PPP2R3B: variants seen among roughly 807,000 people sequenced by gnomAD.
PPP2R3B encodes serine/threonine-protein phosphatase 2A regulatory subunit B'' subunit beta.
A neutral mutation model predicts 72.9 loss-of-function variants in PPP2R3B; 68 were observed. The ratio of observed to expected loss-of-function variants is 0.93; its 90% CI spans 0.77 to 1.14. The LOEUF (loss-of-function observed/expected upper bound fraction) is 1.14. Among genes scored for constraint, PPP2R3B ranks in the 50% most tolerant of loss-of-function variants. The pLI is 0.00. For synonymous variants in PPP2R3B, 466 were observed against 375.8 expected, an observed-to-expected ratio of 1.24 and a Z score of -2.78; for missense variants, 1,018 against 842.0, an observed-to-expected ratio of 1.21 and a Z score of -2.59.
intron 1 of PPP2R3B, among the ~76,000 whole-genome samples, chrX:377,543 C>G (rs1411501223): frequency 1.1e-5 from 1 of 91,170 alleles, no homozygotes; most frequent in African/African-American, 4.4e-5. Flanking sequence ...CAGGGACGGG[C>G]CGTCCACACC....
chrX:346,504 G>A (rs1374410165), intron 5 of PPP2R3B, 197 bp downstream of exon 5: 2 of 636,954 alleles, frequency 3.1e-6, no homozygotes, highest in African/African-American at 1.9e-5. Flanking sequence ...AAGGGGGTGC[G>A]GCCACCCCGG....
rs60085686 is a variant in PPP2R3B, at chrX:361,257, G to A, written c.510+148C>T. On this transcript the variant is annotated intron_variant, in intron 2 of 12. Coordinates refer to ENST00000390665, the MANE Select transcript of PPP2R3B (RefSeq NM_013239.5). The stretch of plus-strand genomic sequence containing the variant: ...TATAACCTCAGAGAAAACCTGGGCC[G>A]CTCCCGCACACGTGTGAAACGCACC... The A allele has an allele frequency of 6.5e-3, 5,428 of 831,168 alleles. 215 individuals carry two copies. In the African/African-American group the frequency reaches 0.082, roughly 13 times the overall value. 51.5% of individuals were successfully genotyped at this position (831,168 alleles called of 1,614,324 possible).
chrX:362,750 C>G (rs1168628625), intron 1 of PPP2R3B, among the ~76,000 whole-genome samples: 1 of 152,122 alleles, frequency 6.6e-6, no homozygotes, highest in Non-Finnish European at 1.5e-5. Context: ...AGGACTGGGT[C>G]CAAGCTCCAG....
In PPP2R3B at chrX:340,852, G is replaced by C. The variant is rs762666589; in HGVS notation, c.1264C>G (p.Arg422Gly). 1.2e-6 allele frequency: 2 copies of C among 1,612,062 alleles called. No individual in the cohort carries two copies. The highest frequency in any genetic ancestry group is 1.7e-6 in the Non-Finnish European group (2 of 1,179,694). The change falls in exon 10 of 13, where the codon CGA becomes GGA. Residue 422 changes from arginine (R) to glycine (G), a missense_variant. Transcript: ENST00000390665. ...ELEYFYEEQC[R>G]RLDSMAIEAL... Reference sequence around the variant, plus strand: ...TCGATGGCCATGCTGTCCAGCCTTCGGCACTGCTCCTCGTAGAAGTACTCG... The same window carrying C: ...TCGATGGCCATGCTGTCCAGCCTTCCGCACTGCTCCTCGTAGAAGTACTCG...
Position 338,813 on chromosome X carries a change from C to T in PPP2R3B, c.1435G>A (p.Asp479Asn), listed in dbSNP as rs781020915. 31 of 1,612,316 alleles carry T rather than the reference C, an allele frequency of 1.9e-5. No individual in the cohort carries two copies. Among genetic ancestry groups the T allele is most frequent in the East Asian group, 4.5e-5 (2 of 44,888 alleles). ...GAGATCTGCTCTTTCTGCTCGTGGT[C>T]GAGGTACTTCTCGATGTTGAAGAAG... is the stretch of plus-strand genomic sequence containing the variant. Reference protein sequence around the residue: ...DTFFNIEKYLDHEQKEQISLL... With the variant: ...DTFFNIEKYLNHEQKEQISLL... The change falls in exon 11 of 13, where the codon GAC becomes AAC. Residue 479 changes from aspartate to asparagine, a missense_variant. Asp to Asn is a conservative substitution (Grantham distance 23, BLOSUM62 1). Coordinates refer to ENST00000390665, the MANE Select transcript of PPP2R3B (RefSeq NM_013239.5).
At chrX:359,868 G>T (rs753783581) in intron 2 of PPP2R3B, 3 of 514,170 alleles carry the variant, frequency 5.8e-6, no homozygotes, top group Middle Eastern at 6.3e-4. Context: ...GCACAGACAG[G>T]GACAGAACCT....
chrX:341,492 C>A (rs1273615092), intron 8 of PPP2R3B, 96 bp from the exon 9 acceptor site: 2 of 1,308,118 alleles, frequency 1.5e-6, no homozygotes, highest in South Asian at 2.4e-5. Flanking sequence ...GAGGGGAGCC[C>A]CCCGGGCCCG....
In PPP2R3B at chrX:386,679, T is replaced by C. The variant is rs1474632840; in HGVS notation, c.13A>G (p.Lys5Glu). The C allele has an allele frequency of 3.8e-6, 5 of 1,314,538 alleles. No homozygotes were observed. Among genetic ancestry groups the C allele is most frequent in the East Asian group, 3.2e-5 (1 of 31,376 alleles). The allele number at this position is 1,314,538 out of a possible 1,614,324, so 81.4% of individuals were successfully genotyped here. The change falls in exon 1 of 13, where the codon AAA (lysine) becomes GAA (glutamate). Residue 5 changes from lysine (K) to glutamate (E), a missense_variant. Lys to Glu is a moderately conservative substitution (Grantham distance 56). Transcript: ENST00000390665. ...ATCTTCAGGACCGGCTGCAGCACTTTGCCGGGCGGCATGGCGGGGGCTGGG... is the reference window on the plus strand; with the variant it reads ...ATCTTCAGGACCGGCTGCAGCACTTCGCCGGGCGGCATGGCGGGGGCTGGG... MPPGKVLQPVLKMKV... is the reference protein window; with the variant it reads MPPGEVLQPVLKMKV...
intron 1 of PPP2R3B, 42 bp downstream of exon 1, chrX:386,326 G>A (rs753398854): frequency 3.0e-5 from 39 of 1,294,058 alleles, no homozygotes; most frequent in Non-Finnish European, 3.9e-5. Flanking sequence ...TATGCGACCA[G>A]AGCCACCTGC....
Position 341,713 on chromosome X carries a change from C to A in PPP2R3B, c.1085+170G>T, listed in dbSNP as rs1401805315. ...TTCGCGTGACAGTCTTGTGCCACCCCCCCCCACTAGGGATTCACGTGACAG... is the reference window on the plus strand; with the variant it reads ...TTCGCGTGACAGTCTTGTGCCACCCACCCCCACTAGGGATTCACGTGACAG... On this transcript the variant is annotated intron_variant, in intron 8 of 12. Transcript: ENST00000390665. 4 of 785,240 alleles carry A rather than the reference C, an allele frequency of 5.1e-6. No homozygotes were observed. The Admixed American group carries it at 6.3e-5, about 12-fold the overall frequency. 48.6% of individuals were successfully genotyped at this position (785,240 alleles called of 1,614,324 possible). A position where few individuals can be genotyped will look rare whatever the true frequency, so the allele number is the denominator to read the frequency against.
chrX:364,510 A>C (rs2071645310), intron 1 of PPP2R3B, among the ~76,000 whole-genome samples: 1 of 115,110 alleles, frequency 8.7e-6, no homozygotes, highest in African/African-American at 3.9e-5. Flanking sequence ...CTCTACTAAA[A>C]AAAAAAAAAA....
intron 12 of PPP2R3B, 126 bp downstream of exon 12, chrX:338,478 G>A (rs1019169938): frequency 4.7e-5 from 45 of 951,504 alleles, no homozygotes; most frequent in African/African-American, 4.3e-4. Context: ...CTGTGTCCGC[G>A]CACCCCACCT....
intron 1 of PPP2R3B, among the ~76,000 whole-genome samples, chrX:376,089 G>C (rs922433662): frequency 1.3e-5 from 2 of 152,166 alleles, no homozygotes; most frequent in African/African-American, 4.8e-5. Context: ...TACTTGGGAG[G>C]CTGAGGGAGA....
chrX:381,479 C>A (rs908873937), intron 1 of PPP2R3B, among the ~76,000 whole-genome samples: 1 of 152,066 alleles, frequency 6.6e-6, no homozygotes, highest in Admixed American at 6.6e-5. Flanking sequence ...AAATCTCTTC[C>A]TCTGACCCCA....
At chrX:360,903 C>T (rs1194203735) in intron 2 of PPP2R3B, among the ~76,000 whole-genome samples, 2 of 152,212 alleles carry the variant, frequency 1.3e-5, no homozygotes, top group Non-Finnish European at 2.9e-5. Flanking sequence ...AAGCAGGCGG[C>T]GAATGATGCA....
At position 334,253 on chromosome X, in the gene PPP2R3B, G is replaced by A; in HGVS notation, c.*114C>T. The A allele has an allele frequency of 2.5e-6, 3 of 1,219,220 alleles. No individual in the cohort carries two copies. The highest frequency in any genetic ancestry group is 3.2e-6 in the Non-Finnish European group (3 of 932,000). The allele number at this position is 1,219,220 out of a possible 1,614,324, so 75.5% of individuals were successfully genotyped here. On this transcript the variant is annotated 3_prime_UTR_variant, in exon 13 of 13. Transcript: ENST00000390665. ...AACACGCTTCTGTGAATAAATAAAA[G>A]TTTATCATTCCGTACAAACGCACTC...
At chrX:346,097 A>AGGGG in intron 6 of PPP2R3B, 77 bp downstream of exon 6, 1 of 591,166 alleles carries the variant, frequency 1.7e-6, no homozygotes, top group Non-Finnish European at 2.6e-6. Flanking sequence ...GGGAGGGGGG[A>AGGGG]GGAGGGAAGG....
intron 7 of PPP2R3B, chrX:344,828 G>C (rs1259690956): frequency 3.3e-6 from 1 of 301,710 alleles, no homozygotes; most frequent in Non-Finnish European, 6.5e-6. Flanking sequence ...ACGCAGACGG[G>C]TGCAGCTCAC....
At chrX:346,320 C>T (rs764583793) in intron 5 of PPP2R3B, 60 bp from the exon 6 acceptor site, 19 of 1,495,778 alleles carry the variant, frequency 1.3e-5, no homozygotes, top group Non-Finnish European at 1.6e-5. Flanking sequence ...TCGCCCCGCA[C>T]GGAGACCGGG....
Sources: allele counts gnomAD v4.1 joint callset (sites outside exome capture counted in the v4.1 genomes callset), GRCh38; gene constraint gnomAD v4.1.1; transcripts MANE v1.5; gene names NCBI Gene and HGNC (gene_info 2026-07-23, HGNC 2026-07-21).